MGAT5: variants seen among roughly 807,000 people sequenced by gnomAD.
MGAT5 encodes the protein alpha-1,6-mannosylglycoprotein 6-beta-N-acetylglucosaminyltransferase A.
Under a neutral mutation model 94.3 loss-of-function variants are expected in MGAT5, and 30 were observed. The ratio of observed to expected loss-of-function variants is 0.32; its 90% CI spans 0.24 to 0.43. The LOEUF (loss-of-function observed/expected upper bound fraction) is 0.43. Ranked by LOEUF, MGAT5 falls within the 20% of genes least tolerant of loss-of-function variation. The pLI, the probability that MGAT5 is intolerant of heterozygous loss-of-function variation, is 1.00. For synonymous variants in MGAT5, 310 were observed against 322.9 expected (o/e 0.96, Z 0.43); for missense variants, 691 against 905.5 (o/e 0.76, Z 3.04).
At chr2:134,307,528 C>T (rs945603020) in intron 2 of MGAT5, among the ~76,000 whole-genome samples, 11 of 152,054 alleles carry the variant, frequency 7.2e-5, no homozygotes, top group East Asian at 3.9e-4. Context: ...AGTTGCCTTC[C>T]GGTTTCCTGC....
At chr2:134,418,770 C>G (rs1684113770) in intron 12 of MGAT5, among the ~76,000 whole-genome samples, 1 of 152,192 alleles carries the variant, frequency 6.6e-6, no homozygotes. Flanking sequence ...GCCTGAGAAG[C>G]ATGAATACTG....
At chr2:134,388,552 A>G (rs1372325536) in intron 10 of MGAT5, among the ~76,000 whole-genome samples, 2 of 152,082 alleles carry the variant, frequency 1.3e-5, no homozygotes, top group Admixed American at 6.5e-5. Flanking sequence ...TTTTATTTAA[A>G]TAAAGATGCA....
At chr2:134,315,049 C>A (rs1331116255) in intron 2 of MGAT5, among the ~76,000 whole-genome samples, 1 of 152,104 alleles carries the variant, frequency 6.6e-6, no homozygotes, top group Non-Finnish European at 1.5e-5. Flanking sequence ...GTTTGCTGAC[C>A]CTTAACTTTA....
intron 2 of MGAT5, among the ~76,000 whole-genome samples, chr2:134,312,839 T>TAAC (rs1686759959): frequency 6.6e-6 from 1 of 152,118 alleles, no homozygotes; most frequent in Non-Finnish European, 1.5e-5. Context: ...TCAGATGAGG[T>TAAC]AACCATCTTC....
intron 1 of MGAT5, among the ~76,000 whole-genome samples, chr2:134,201,441 C>T (rs1679779892): frequency 6.6e-6 from 1 of 151,966 alleles, no homozygotes; most frequent in South Asian, 2.1e-4. Flanking sequence ...TACTGTTTGA[C>T]ATTAGGGAAC....
chr2:134,278,062 C>T (rs1170131935), intron 2 of MGAT5, among the ~76,000 whole-genome samples: 1 of 152,168 alleles, frequency 6.6e-6, no homozygotes, highest in Non-Finnish European at 1.5e-5. Flanking sequence ...ACATGGGAGC[C>T]ATCTTTAAGA....
At chr2:134,249,833 A>G (rs1298582948), upstream of MGAT5, among the ~76,000 whole-genome samples, 1 of 152,250 alleles carries the variant, frequency 6.6e-6, no homozygotes, top group Non-Finnish European at 1.5e-5. Flanking sequence ...TATTTGAGGT[A>G]CTGCCAGATT....
chr2:134,236,681 G>A (rs1681655076), intron 1 of MGAT5, among the ~76,000 whole-genome samples: 1 of 152,184 alleles, frequency 6.6e-6, no homozygotes, highest in African/African-American at 2.4e-5. Context: ...TCTCGGGTAT[G>A]TCTTTATTAG....
chr2:134,177,139 G>A (rs1282509927), intron 1 of MGAT5, among the ~76,000 whole-genome samples: 1 of 149,204 alleles, frequency 6.7e-6, no homozygotes. Context: ...TGTAACAAAT[G>A]AACCCGTGTG....
chr2:134,421,294 T>C (rs1684275745), intron 12 of MGAT5, among the ~76,000 whole-genome samples: 1 of 152,182 alleles, frequency 6.6e-6, no homozygotes, highest in Admixed American at 6.5e-5. Flanking sequence ...TGTCAAAAAG[T>C]TAGATTCTGA....
chr2:134,230,366 C>T (rs944779948), intron 1 of MGAT5, among the ~76,000 whole-genome samples: 2 of 152,148 alleles, frequency 1.3e-5, no homozygotes, highest in African/African-American at 2.4e-5. Context: ...GGTACTGGTC[C>T]ACTGCCTGGG....
At chr2:134,145,472 G>A (rs7563434) in intron 1 of MGAT5, among the ~76,000 whole-genome samples, 6,092 of 152,320 alleles carry the variant, frequency 0.04, 418 homozygotes, top group African/African-American at 0.14. Context: ...CTTGAATTCA[G>A]GAGGTGGAGC....
intron 2 of MGAT5, among the ~76,000 whole-genome samples, chr2:134,288,146 C>G (rs915798975): frequency 6.6e-6 from 1 of 152,172 alleles, no homozygotes; most frequent in African/African-American, 2.4e-5. Flanking sequence ...GATTTTGTCT[C>G]CTGACATGGC....
intron 1 of MGAT5, among the ~76,000 whole-genome samples, chr2:134,185,868 A>G (rs56006675): frequency 0.032 from 4,878 of 152,322 alleles, 110 homozygotes; most frequent in African/African-American, 0.06. Context: ...GCTGCTGTCC[A>G]CAGCATGGTT....
rs1686198807 is a variant in MGAT5, at chr2:134,453,358, A to G, written c.*4511A>G. The G allele has an allele frequency of 6.6e-6, 1 of 151,856 alleles. No individual in the cohort carries two copies. The highest frequency in any genetic ancestry group is 6.5e-5 in the Admixed American group (1 of 15,280). 9.4% of individuals were successfully genotyped at this position (151,856 alleles called of 1,614,324 possible). On this transcript the variant is annotated 3_prime_UTR_variant, in exon 16 of 16. Transcript: ENST00000281923. Reference sequence around the variant, plus strand: ...GCAAGAATTTATGAACTCCAGCTGGAAAAGGTAAAGGTGACCTTTGGCTAG... The same window carrying G: ...GCAAGAATTTATGAACTCCAGCTGGGAAAGGTAAAGGTGACCTTTGGCTAG...
intron 9 of MGAT5, among the ~76,000 whole-genome samples, chr2:134,361,285 T>A (rs182236894): frequency 6.6e-6 from 1 of 152,312 alleles, no homozygotes. Flanking sequence ...TTTGGTTTCA[T>A]GTTATTTATA....
chr2:134,246,863 CAA>C (rs1682300293), intron 1 of MGAT5, among the ~76,000 whole-genome samples: 1 of 152,210 alleles, frequency 6.6e-6, no homozygotes, highest in African/African-American at 2.4e-5. Context: ...TTTTCCTAAG[CAA>C]AACCAGACGT....
intron 9 of MGAT5, among the ~76,000 whole-genome samples, chr2:134,355,811 T>G (rs2106080894): frequency 6.6e-6 from 1 of 152,272 alleles, no homozygotes; most frequent in African/African-American, 2.4e-5. Flanking sequence ...TAAATCATCT[T>G]TATCTAATTG....
intron 1 of MGAT5, among the ~76,000 whole-genome samples, chr2:134,144,600 C>G (rs191280834): frequency 2.7e-4 from 41 of 152,216 alleles, no homozygotes; most frequent in Admixed American, 2.7e-3. Flanking sequence ...TCAGTATAAT[C>G]CTTTGGGGAA....
Sources: gnomAD v4.1 joint callset for allele counts (sites outside exome capture counted in the v4.1 genomes callset) on GRCh38, gnomAD v4.1.1 for gene constraint, MANE v1.5 for transcripts, NCBI Gene and HGNC (gene_info 2026-07-23, HGNC 2026-07-21) for gene names.